GFPT1: variants seen among roughly 807,000 people sequenced by gnomAD.
The protein encoded by GFPT1 is glutamine--fructose-6-phosphate transaminase 1, also known as glutamine--fructose-6-phosphate aminotransferase [isomerizing] 1.
GFPT1 carries 40 observed loss-of-function variants against 92.0 expected under a neutral mutation model. The observed-to-expected ratio is 0.43, with a 90% CI of 0.34 to 0.57. The LOEUF is 0.57. GFPT1 is among the 20% of genes least tolerant of loss of function. The pLI, the probability that GFPT1 is intolerant of heterozygous loss-of-function variation, is 0.02. For missense variants in GFPT1, 448 were observed against 869.1 expected, an observed-to-expected ratio of 0.52 and a Z score of 6.09; for synonymous variants, 269 against 280.6, an observed-to-expected ratio of 0.96 and a Z score of 0.41.
chr2:69,355,270 A>AT (rs1462671708), intron 7 of GFPT1, among the ~76,000 whole-genome samples: 2 of 151,656 alleles, frequency 1.3e-5, no homozygotes, highest in East Asian at 3.9e-4. Flanking sequence ...TAGAGATGGG[A>AT]TTTTGTCATG....
intron 1 of GFPT1, among the ~76,000 whole-genome samples, chr2:69,380,824 C>G (rs1467931841): frequency 6.6e-6 from 1 of 152,154 alleles, no homozygotes; most frequent in East Asian, 1.9e-4. Context: ...GATGGGCCCT[C>G]CGAACTGCTG....
chr2:69,356,278 G>A (rs529784386), intron 7 of GFPT1, among the ~76,000 whole-genome samples: 1 of 152,246 alleles, frequency 6.6e-6, no homozygotes, highest in South Asian at 2.1e-4. Context: ...ACAGGTGTGA[G>A]CCACAGCGCC....
At chr2:69,372,782 C>T (rs954806046) in intron 2 of GFPT1, among the ~76,000 whole-genome samples, 2 of 152,130 alleles carry the variant, frequency 1.3e-5, no homozygotes, top group African/African-American at 4.8e-5. Context: ...AGACAAATGT[C>T]CATTCCATGT....
chr2:69,372,527 C>T (rs1037996995), intron 2 of GFPT1, among the ~76,000 whole-genome samples: 1 of 151,860 alleles, frequency 6.6e-6, no homozygotes, highest in African/African-American at 2.4e-5. Flanking sequence ...CAGCCGAGAT[C>T]GCACCATTGC....
chr2:69,359,928 T>A (rs1326993605), intron 4 of GFPT1, among the ~76,000 whole-genome samples: 2 of 152,200 alleles, frequency 1.3e-5, no homozygotes, highest in African/African-American at 4.8e-5. Context: ...AAAATAGACA[T>A]GATCTCGGGA....
At chr2:69,330,911 T>C (rs1361944145) in intron 15 of GFPT1, among the ~76,000 whole-genome samples, 1 of 152,196 alleles carries the variant, frequency 6.6e-6, no homozygotes. Flanking sequence ...TACAAGATTA[T>C]AATGACAATT....
intron 2 of GFPT1, 90 bp from the exon 3 acceptor site, chr2:69,370,198 C>A: frequency 1.3e-6 from 1 of 786,028 alleles, no homozygotes; most frequent in East Asian, 2.5e-5. Context: ...TTAAAAAATA[C>A]ATTCTCATCT....
intron 15 of GFPT1, among the ~76,000 whole-genome samples, chr2:69,332,287 CT>C (rs941750228): frequency 1.9e-4 from 29 of 148,784 alleles, no homozygotes; most frequent in African/African-American, 6.9e-4. Context: ...TTATTGTTTA[CT>C]TTTTTCTAGT....
rs556661591 is a variant in GFPT1, at chr2:69,339,493, C to T, written c.1204-928G>A. 1.2e-4 allele frequency among the ~76,000 whole-genome samples: 19 copies of T among 152,234 alleles called. No homozygotes were observed. The South Asian group carries it at 3.5e-3, about 28-fold the overall frequency. ...TTCTAATTATTTTTACACTAAACAT[C>T]GGAAAATCAAAAACAGAAAAATTAT... On this transcript the variant is annotated intron_variant, in intron 13 of 19. Coordinates refer to ENST00000357308, the MANE Select transcript of GFPT1 (RefSeq NM_001244710.2).
At chr2:69,332,392 A>G (rs1284931655) in intron 15 of GFPT1, among the ~76,000 whole-genome samples, 1 of 148,422 alleles carries the variant, frequency 6.7e-6, no homozygotes, top group Non-Finnish European at 1.5e-5. Context: ...GGCTCACTGC[A>G]ACCTCAGCCT....
intron 1 of GFPT1, among the ~76,000 whole-genome samples, chr2:69,374,619 C>G (rs1172139129): frequency 6.6e-6 from 1 of 152,128 alleles, no homozygotes; most frequent in East Asian, 1.9e-4. Context: ...GGCAAAGAAG[C>G]TTATAAAGCT....
intron 1 of GFPT1, among the ~76,000 whole-genome samples, chr2:69,377,492 TAAAAATA>T (rs959227672): frequency 5.6e-5 from 3 of 53,782 alleles, no homozygotes; most frequent in African/African-American, 2.3e-4. Flanking sequence ...CTACTAAAAA[TAAAAATA>T]AAAAAAAAAA....
At chr2:69,374,725 A>G (rs1416990428) in intron 1 of GFPT1, among the ~76,000 whole-genome samples, 1 of 152,174 alleles carries the variant, frequency 6.6e-6, no homozygotes, top group Non-Finnish European at 1.5e-5. Context: ...CTATATACAG[A>G]GCATTTCGTT....
At chr2:69,353,849 GT>G (rs1428535536) in intron 9 of GFPT1, among the ~76,000 whole-genome samples, 4 of 152,198 alleles carry the variant, frequency 2.6e-5, no homozygotes, top group African/African-American at 9.6e-5. Flanking sequence ...AATATGTCAT[GT>G]ATAAAAAATA....
chr2:69,342,047 A>C (rs1670966240), intron 13 of GFPT1, 105 bp downstream of exon 13: 1 of 647,366 alleles, frequency 1.5e-6, no homozygotes, highest in South Asian at 2.3e-5. Flanking sequence ...GGAAAAGATA[A>C]CACATTAACA....
chr2:69,351,160 T>A (rs6546503), intron 9 of GFPT1, among the ~76,000 whole-genome samples: 5 of 151,934 alleles, frequency 3.3e-5, no homozygotes, highest in African/African-American at 1.2e-4. Flanking sequence ...GTTTTCTTAC[T>A]CTTCCTTTAA....
intron 9 of GFPT1, among the ~76,000 whole-genome samples, chr2:69,353,798 A>T (rs1228043809): frequency 1.3e-5 from 2 of 152,210 alleles, no homozygotes; most frequent in East Asian, 3.8e-4. Context: ...ATCACTACAA[A>T]TTCAAATAAA....
chr2:69,346,891 G>A lies in GFPT1; in HGVS notation c.1010-892C>T, dbSNP rs184186231. On this transcript the variant is annotated intron_variant, in intron 11 of 19. Coordinates refer to ENST00000357308, the MANE Select transcript of GFPT1 (RefSeq NM_001244710.2). ...ACTACAGGCACACACTACCATGCCC[G>A]GCTCATAGTTTTGTTTTGTTTTGTT... 4.2e-3 allele frequency among the ~76,000 whole-genome samples: 632 copies of A among 151,256 alleles called. 5 individuals are homozygous for A. The highest frequency in any genetic ancestry group is 0.015 in the African/African-American group (605 of 41,132).
intron 1 of GFPT1, among the ~76,000 whole-genome samples, chr2:69,384,091 C>T (rs1254298730): frequency 6.6e-6 from 1 of 152,044 alleles, no homozygotes; most frequent in African/African-American, 2.4e-5. Flanking sequence ...TTCCAAACTA[C>T]CAAGAAAAAG....
Sources: allele counts gnomAD v4.1 joint callset (sites outside exome capture counted in the v4.1 genomes callset), GRCh38; gene constraint gnomAD v4.1.1; transcripts MANE v1.5; gene names NCBI Gene and HGNC (gene_info 2026-07-23, HGNC 2026-07-21).